Variants in SV2B observed in about 807,000 individuals in gnomAD.
SV2B encodes solute carrier family 22 member B2.
SV2B carries 41 observed loss-of-function variants against 73.9 expected under a neutral mutation model. That is an observed-to-expected ratio of 0.56 (90% confidence interval 0.43 to 0.72). The LOEUF (loss-of-function observed/expected upper bound fraction) is 0.72. SV2B is among the 30% of genes least tolerant of loss of function. SV2B has a pLI of 0.00. For synonymous variants in SV2B, 314 were observed against 314.2 expected (o/e 1.00, Z 0.01); for missense variants, 764 against 857.8 (o/e 0.89, Z 1.37).
chr15:91,207,670 T>C (rs1357238754), intron 1 of SV2B, among the ~76,000 whole-genome samples: 2 of 152,188 alleles, frequency 1.3e-5, no homozygotes, highest in South Asian at 2.1e-4. Flanking sequence ...CATACCAACT[T>C]ATTTAACGTA....
At chr15:91,183,778 G>T (rs1163509571) in intron 1 of SV2B, among the ~76,000 whole-genome samples, 2 of 152,244 alleles carry the variant, frequency 1.3e-5, no homozygotes, top group African/African-American at 2.4e-5. Flanking sequence ...AAACAAGCCA[G>T]ATCCACATTC....
Position 91,290,149 on chromosome 15 carries a change from G to A in SV2B, c.1868+469G>A, listed in dbSNP as rs953791437. Among the ~76,000 whole-genome samples, 1 of 152,106 alleles carries A rather than the reference G, an allele frequency of 6.6e-6. No homozygotes were observed. The highest frequency in any genetic ancestry group is 1.5e-5 in the Non-Finnish European group (1 of 68,020). On this transcript the variant is annotated intron_variant, in intron 12 of 12. Coordinates refer to ENST00000394232, the MANE Select transcript of SV2B (RefSeq NM_001323032.3). The surrounding 1 kb of genome is among the most constrained non-coding windows in gnomAD (Gnocchi z 4.7). ...GGGTTACTTTTATTTTGCACAGGTC[G>A]TATATGGGAAGAGGCCTTGTTTAAA...
At chr15:91,166,017 G>T (rs547551478) in intron 1 of SV2B, among the ~76,000 whole-genome samples, 2 of 152,218 alleles carry the variant, frequency 1.3e-5, no homozygotes, top group Admixed American at 6.5e-5. Context: ...TTTTCTTTCA[G>T]CACTTAAAAA....
chr15:91,118,404 T>C lies in SV2B; in HGVS notation c.-392+18041T>C, dbSNP rs1020588950. ...GAGTAGCCCATGCCAGCAAGAAAGATGGGTGGTAGTACAGTGCTAAGGGAA... is the reference window on the plus strand; with the variant it reads ...GAGTAGCCCATGCCAGCAAGAAAGACGGGTGGTAGTACAGTGCTAAGGGAA... On this transcript the variant is annotated intron_variant, in intron 1 of 12. Transcript: ENST00000394232. The surrounding 1 kb of genome is among the most constrained non-coding windows in gnomAD (Gnocchi z 4.7). 7.2e-5 allele frequency among the ~76,000 whole-genome samples: 11 copies of C among 152,180 alleles called. No individual in the cohort carries two copies. The highest frequency in any genetic ancestry group is 2.0e-4 in the Admixed American group (3 of 15,288).
intron 4 of SV2B, among the ~76,000 whole-genome samples, chr15:91,254,231 C>CTTTTTTTTT (rs1206575033): frequency 1.5e-5 from 2 of 131,836 alleles, no homozygotes; most frequent in African/African-American, 6.4e-5. Flanking sequence ...ATTATTTTCA[C>CTTTTTTTTT]TTCTTTTTTT....
intron 1 of SV2B, among the ~76,000 whole-genome samples, chr15:91,207,918 G>C: frequency 6.6e-6 from 1 of 152,198 alleles, no homozygotes; most frequent in East Asian, 1.9e-4. Flanking sequence ...CTTCAGGGGA[G>C]AAGTGAGGAA....
intron 1 of SV2B, among the ~76,000 whole-genome samples, chr15:91,184,599 TTTC>T (rs2044704692): frequency 1.3e-5 from 2 of 152,216 alleles, no homozygotes; most frequent in South Asian, 4.1e-4. Flanking sequence ...CCCCAATTTC[TTTC>T]TTCTTTAGCT....
intron 1 of SV2B, among the ~76,000 whole-genome samples, chr15:91,159,217 G>T (rs1037180046): frequency 5.3e-5 from 8 of 152,186 alleles, no homozygotes; most frequent in Non-Finnish European, 2.9e-5. Context: ...CTGTCCTGCA[G>T]CTTGGCTTCC....
intron 1 of SV2B, among the ~76,000 whole-genome samples, chr15:91,219,748 C>A (rs1389432996): frequency 4.6e-5 from 7 of 152,168 alleles, no homozygotes; most frequent in Non-Finnish European, 1.0e-4. Flanking sequence ...AACACCCTCC[C>A]CACACCCCTG....
At chr15:91,150,326 C>G (rs2141215279) in intron 1 of SV2B, among the ~76,000 whole-genome samples, 1 of 152,252 alleles carries the variant, frequency 6.6e-6, no homozygotes, top group South Asian at 2.1e-4. Flanking sequence ...CTCTCTATCA[C>G]TCTTTGGTCA....
rs1049976982 is a variant in SV2B, at chr15:91,241,341, C to T, written c.452-10478C>T. ...TGGTTGCATCCGACTTTTCCTCCAT[C>T]TGTCCCTAAACCCCGTTGCTGCACC... On this transcript the variant is annotated intron_variant, in intron 2 of 12. Transcript: ENST00000394232. The surrounding 1 kb of genome is among the most constrained non-coding windows in gnomAD (Gnocchi z 4.8). Among the ~76,000 whole-genome samples the T allele has an allele frequency of 1.3e-5, 2 of 152,176 alleles. No homozygotes were observed. The highest frequency in any genetic ancestry group is 2.9e-5 in the Non-Finnish European group (2 of 68,032).
In SV2B at chr15:91,251,996, T is replaced by TC; in HGVS notation, c.630dup (p.Gly211ArgfsTer15). On this transcript the variant is annotated frameshift_variant, in exon 3 of 13. Coordinates refer to ENST00000394232, the MANE Select transcript of SV2B (RefSeq NM_001323032.3). LOFTEE classifies it high-confidence loss of function. ...CTCTTCTGCCGACTCATCTCAGGCA[T>TC]CGGGTATGTTCTTAGGGAGGTGGAG... 6.2e-7 allele frequency: 1 copy of TC among 1,613,986 alleles called. No homozygotes were observed. Among genetic ancestry groups the TC allele is most frequent in the Non-Finnish European group, 8.5e-7 (1 of 1,179,938 alleles).
rs1183000210 is a variant in SV2B, at chr15:91,289,089, T to C, written c.1709-432T>C. Among the ~76,000 whole-genome samples, 1 of 152,216 alleles carries C rather than the reference T, an allele frequency of 6.6e-6. No homozygotes were observed. Among genetic ancestry groups the C allele is most frequent in the Non-Finnish European group, 1.5e-5 (1 of 68,034 alleles). On this transcript the variant is annotated intron_variant, in intron 11 of 12. Coordinates refer to ENST00000394232, the MANE Select transcript of SV2B (RefSeq NM_001323032.3). The surrounding 1 kb of genome is among the most constrained non-coding windows in gnomAD (Gnocchi z 4.9). The stretch of plus-strand genomic sequence containing the variant: ...TTGACTATTGTGAATATTGCTACAT[T>C]GAACAAGAAGCACAGATCTCTTTGA...
rs549999951 is a variant in SV2B, at chr15:91,242,454, G to A, written c.452-9365G>A. Among the ~76,000 whole-genome samples the A allele has an allele frequency of 6.6e-6, 1 of 152,160 alleles. No homozygotes were observed. The highest frequency in any genetic ancestry group is 1.5e-5 in the Non-Finnish European group (1 of 68,032). ...GCGTCATTCACTTGAAATACATGTG[G>A]TGGCCTGCTAACTGATCTTTACGAT... On this transcript the variant is annotated intron_variant, in intron 2 of 12. Coordinates refer to ENST00000394232, the MANE Select transcript of SV2B (RefSeq NM_001323032.3). The surrounding 1 kb of genome is among the most constrained non-coding windows in gnomAD (Gnocchi z 4.9).
In SV2B at chr15:91,115,969, C is replaced by A. The variant is rs1053540823; in HGVS notation, c.-392+15606C>A. Reference sequence around the variant, plus strand: ...CACATACACCTTAACAGAGTACATGCACACACATACACACACACATAAATA... The same window carrying A: ...CACATACACCTTAACAGAGTACATGAACACACATACACACACACATAAATA... On this transcript the variant is annotated intron_variant, in intron 1 of 12. Transcript: ENST00000394232. This position sits in a 1 kb window ranked among gnomAD's most constrained non-coding sequence, Gnocchi z 4.3. 2.0e-5 allele frequency among the ~76,000 whole-genome samples: 3 copies of A among 152,110 alleles called. No individual in the cohort carries two copies. Among genetic ancestry groups the A allele is most frequent in the African/African-American group, 7.2e-5 (3 of 41,408 alleles).
chr15:91,297,636 T>C lies in SV2B; in HGVS notation c.*5084T>C, dbSNP rs77362204. 6.6e-6 allele frequency: 1 copy of C among 152,334 alleles called. No homozygotes were observed. Among genetic ancestry groups the C allele is most frequent in the Admixed American group, 6.5e-5 (1 of 15,296 alleles). The allele number at this position is 152,334 out of a possible 1,614,324, so 9.4% of individuals were successfully genotyped here. On this transcript the variant is annotated 3_prime_UTR_variant, in exon 13 of 13. Transcript: ENST00000394232. The surrounding 1 kb of genome is among the most constrained non-coding windows in gnomAD (Gnocchi z 5.1). ...GCACTGACACTCTTCCAATAGGTGG[T>C]ACTTTGACTTGTCAGGGAAGTTCTA... is the stretch of plus-strand genomic sequence containing the variant.
intron 9 of SV2B, among the ~76,000 whole-genome samples, chr15:91,276,802 G>GTTATTA (rs1464096663): frequency 1.6e-3 from 89 of 56,780 alleles, no homozygotes; most frequent in African/African-American, 5.6e-3. Flanking sequence ...TATTATTGTT[G>GTTATTA]TTGTTATTAT....
chr15:91,287,363 C>T (rs1241426704), intron 11 of SV2B, among the ~76,000 whole-genome samples: 2 of 152,194 alleles, frequency 1.3e-5, no homozygotes, highest in African/African-American at 2.4e-5. Flanking sequence ...TGGTGGGGCA[C>T]TCGTGCCCTG....
rs1173163773 is a variant in SV2B at position 91,252,743 on chromosome 15, C to G, written c.784+223C>G. 2.0e-5 allele frequency among the ~76,000 whole-genome samples: 3 copies of G among 151,796 alleles called. No homozygotes were observed. Among genetic ancestry groups the G allele is most frequent in the Non-Finnish European group, 4.4e-5 (3 of 67,950 alleles). Reference sequence around the variant, plus strand: ...TCCTCCCTCTTTTCCTCCTTCCTTCCCTTCCTTCATTCTTCCCTTTCTCCT... The same window carrying G: ...TCCTCCCTCTTTTCCTCCTTCCTTCGCTTCCTTCATTCTTCCCTTTCTCCT... On this transcript the variant is annotated intron_variant, in intron 4 of 12. Transcript: ENST00000394232. This position sits in a 1 kb window ranked among gnomAD's most constrained non-coding sequence, Gnocchi z 4.6.
Sources: allele counts gnomAD v4.1 joint callset (sites outside exome capture counted in the v4.1 genomes callset), GRCh38; gene constraint gnomAD v4.1.1; non-coding constraint Gnocchi (gnomAD v3.1); transcripts MANE v1.5; gene names NCBI Gene and HGNC (gene_info 2026-07-23, HGNC 2026-07-21).